RBFOX1: variants seen among roughly 807,000 people sequenced by gnomAD.
RBFOX1 encodes the protein RNA binding fox-1 homolog 1.
In RBFOX1, 8 loss-of-function variants were observed where a neutral mutation model predicts 57.7. That is an observed-to-expected ratio of 0.14 (90% CI 0.08 to 0.25). RBFOX1 has a LOEUF of 0.25. Among genes scored for constraint, RBFOX1 ranks in the 10% least tolerant of loss-of-function variants. RBFOX1 has a pLI of 1.00. For missense variants in RBFOX1, 611 were observed against 548.5 expected (o/e 1.11, Z -1.14); for synonymous variants, 326 against 222.4 (o/e 1.47, Z -4.15).
intron 4 of RBFOX1, among the ~76,000 whole-genome samples, chr16:7,438,572 C>A (rs940947927): frequency 1.3e-5 from 2 of 152,152 alleles, no homozygotes; most frequent in African/African-American, 2.4e-5. Flanking sequence ...CATTTGTAAA[C>A]CTCTCTGAAT....
chr16:7,352,778 C>T (rs543142898), intron 4 of RBFOX1, among the ~76,000 whole-genome samples: 87 of 152,158 alleles, frequency 5.7e-4, no homozygotes, highest in Non-Finnish European at 1.1e-3. Flanking sequence ...TGCAGTGGTG[C>T]GATCATGGCT....
chr16:5,271,438 T>C (rs2063004643), intron 1 of RBFOX1, among the ~76,000 whole-genome samples: 1 of 152,226 alleles, frequency 6.6e-6, no homozygotes, highest in African/African-American at 2.4e-5. Flanking sequence ...GGGCTGGGTA[T>C]CCCCTAGGGA....
chr16:5,927,649 A>G (rs955650506), intron 4 of RBFOX1, among the ~76,000 whole-genome samples: 2 of 152,252 alleles, frequency 1.3e-5, no homozygotes, highest in African/African-American at 4.8e-5. Flanking sequence ...CTGCAGTCTC[A>G]TGTTCATTGC....
At chr16:7,046,210 G>C (rs1008849540) in intron 3 of RBFOX1, among the ~76,000 whole-genome samples, 3 of 150,978 alleles carry the variant, frequency 2.0e-5, no homozygotes, top group Non-Finnish European at 2.9e-5. Flanking sequence ...CTTAATTTTT[G>C]TATAAAGTGT....
intron 4 of RBFOX1, among the ~76,000 whole-genome samples, chr16:7,276,991 T>G (rs2153156229): frequency 6.6e-6 from 1 of 152,354 alleles, no homozygotes; most frequent in African/African-American, 2.4e-5. Flanking sequence ...AAATCGTAGA[T>G]GGTATAACTT....
intron 3 of RBFOX1, among the ~76,000 whole-genome samples, chr16:5,780,602 A>G (rs1025372781): frequency 6.6e-6 from 1 of 152,192 alleles, no homozygotes; most frequent in Non-Finnish European, 1.5e-5. Context: ...ACAATGTTGA[A>G]TTTCCTGGGG....
intron 3 of RBFOX1, among the ~76,000 whole-genome samples, chr16:6,936,824 C>G (rs186856082): frequency 2.0e-5 from 3 of 151,714 alleles, no homozygotes; most frequent in Non-Finnish European, 4.4e-5. Flanking sequence ...TAAAGAGGTT[C>G]TTTCCGAATG....
At chr16:5,622,870 C>T (rs2048239855) in intron 3 of RBFOX1, among the ~76,000 whole-genome samples, 2 of 152,212 alleles carry the variant, frequency 1.3e-5, no homozygotes, top group Non-Finnish European at 2.9e-5. Context: ...CCAACATGTG[C>T]AGAGTTTGTT....
chr16:7,621,190 G>A (rs535392915), intron 10 of RBFOX1, among the ~76,000 whole-genome samples: 1 of 152,176 alleles, frequency 6.6e-6, no homozygotes, highest in South Asian at 2.1e-4. Flanking sequence ...TTGCAAGATA[G>A]AACTTATTTT....
chr16:5,588,564 G>A (rs181963805), intron 2 of RBFOX1, among the ~76,000 whole-genome samples: 28 of 152,114 alleles, frequency 1.8e-4, no homozygotes, highest in African/African-American at 6.0e-4. Context: ...TTTGTCTGAC[G>A]TGGGCTGTTT....
intron 3 of RBFOX1, among the ~76,000 whole-genome samples, chr16:6,698,341 G>A (rs1431458169): frequency 6.6e-6 from 1 of 152,166 alleles, no homozygotes; most frequent in African/African-American, 2.4e-5. Flanking sequence ...GGGAAAGTCT[G>A]CATTGATCTT....
intron 4 of RBFOX1, among the ~76,000 whole-genome samples, chr16:7,465,550 G>A (rs548943344): frequency 2.6e-5 from 4 of 152,310 alleles, no homozygotes; most frequent in African/African-American, 7.2e-5. Context: ...CAGGCTATTT[G>A]TGTCATTTCA....
At chr16:7,326,698 G>T (rs1178035690) in intron 4 of RBFOX1, among the ~76,000 whole-genome samples, 1 of 152,092 alleles carries the variant, frequency 6.6e-6, no homozygotes, top group Non-Finnish European at 1.5e-5. Flanking sequence ...GCTCAAGGAT[G>T]AGTATATCGT....
At chr16:5,371,303 C>T (rs548683419) in intron 1 of RBFOX1, among the ~76,000 whole-genome samples, 1 of 152,170 alleles carries the variant, frequency 6.6e-6, no homozygotes, top group East Asian at 1.9e-4. Flanking sequence ...AAGAAGGGCC[C>T]TCATCCAATC....
At chr16:7,624,928 G>T (rs2059857476) in intron 10 of RBFOX1, among the ~76,000 whole-genome samples, 1 of 152,158 alleles carries the variant, frequency 6.6e-6, no homozygotes, top group African/African-American at 2.4e-5. Flanking sequence ...GGAGCGAAAA[G>T]TGTAATAGGC....
intron 3 of RBFOX1, among the ~76,000 whole-genome samples, chr16:6,931,031 A>T (rs543298116): frequency 2.0e-5 from 3 of 151,916 alleles, no homozygotes; most frequent in African/African-American, 7.3e-5. Flanking sequence ...TGGATGTAGA[A>T]ATCAGGTTTT....
intron 2 of RBFOX1, among the ~76,000 whole-genome samples, chr16:6,494,400 G>A (rs747618329): frequency 6.6e-5 from 10 of 152,116 alleles, no homozygotes; most frequent in African/African-American, 1.2e-4. Flanking sequence ...AACCCCTGTC[G>A]ATCATGAATC....
At chr16:6,584,286 A>C (rs1264439698) in intron 2 of RBFOX1, among the ~76,000 whole-genome samples, 1 of 151,250 alleles carries the variant, frequency 6.6e-6, no homozygotes, top group Non-Finnish European at 1.5e-5. Flanking sequence ...TTTGGAGCTC[A>C]GTGAGTTAGG....
chr16:5,452,654 T>A (rs1451874298), intron 1 of RBFOX1, among the ~76,000 whole-genome samples: 1 of 148,088 alleles, frequency 6.8e-6, no homozygotes, highest in African/African-American at 2.6e-5. Context: ...CTTGACTTTT[T>A]TTTTTTTGAG....
Sources: gnomAD v4.1 joint callset for allele counts (sites outside exome capture counted in the v4.1 genomes callset) on GRCh38, gnomAD v4.1.1 for gene constraint, MANE v1.5 for transcripts, NCBI Gene and HGNC (gene_info 2026-07-23, HGNC 2026-07-21) for gene names.